The following PRMT8 variants were observed in gnomAD, a reference collection of about 807,000 sequenced individuals.
PRMT8 encodes the protein protein arginine N-methyltransferase 8.
In PRMT8, 7 loss-of-function variants were observed where a neutral mutation model predicts 47.1. The observed-to-expected ratio is 0.15, with a 90% CI of 0.08 to 0.28. The LOEUF (loss-of-function observed/expected upper bound fraction) is 0.28, where lower values mean the gene tolerates loss of function less well. Ranked by LOEUF, PRMT8 falls within the 10% of genes least tolerant of loss-of-function variation. The pLI is 1.00. For synonymous variants in PRMT8, 188 were observed against 186.5 expected (o/e 1.01, Z -0.07); for missense variants, 237 against 505.4 (o/e 0.47, Z 5.09).
Position 3,583,190 on chromosome 12 carries a change from A to C in PRMT8, c.961A>C (p.Lys321Gln). ...FNIEFTKCHKKMGFSTAPDAP... is the reference protein window; with the variant it reads ...FNIEFTKCHKQMGFSTAPDAP... ...TATTGAATTTACCAAGTGCCACAAGAAAATGGGGTTTTCCACAGGTGAGCT... is the reference window on the plus strand; with the variant it reads ...TATTGAATTTACCAAGTGCCACAAGCAAATGGGGTTTTCCACAGGTGAGCT... Residue 321 changes from lysine to glutamine, a missense_variant, in exon 8 of 10, where the codon AAA becomes CAA. This residue lies in a region of PRMT8 where 151 missense variants were observed against 341.1 expected (regional missense o/e 0.44). Coordinates refer to ENST00000382622, the MANE Select transcript of PRMT8 (RefSeq NM_019854.5). The surrounding 1 kb of genome is among the most constrained non-coding windows in gnomAD (Gnocchi z 4.7). 6.2e-7 allele frequency: 1 copy of C among 1,612,930 alleles called. No homozygotes were observed. The highest frequency in any genetic ancestry group is 8.5e-7 in the Non-Finnish European group (1 of 1,179,468).
Position 3,456,171 on chromosome 12 carries a change from A to T in PRMT8, c.48+74729A>T, listed in dbSNP as rs1330290895. On this transcript the variant is annotated intron_variant, in intron 1 of 9. Coordinates refer to the PRMT8 transcript ENST00000452611. This position sits in a 1 kb window ranked among gnomAD's most constrained non-coding sequence, Gnocchi z 4.2. ...CTTCCTCACTTAAACCACATTTCCG[A>T]TGACCACATCCAAGTACGCCAGCGC... 1.3e-5 allele frequency among the ~76,000 whole-genome samples: 2 copies of T among 152,196 alleles called. No individual in the cohort carries two copies. Among genetic ancestry groups the T allele is most frequent in the Non-Finnish European group, 2.9e-5 (2 of 68,026 alleles).
Position 3,568,798 on chromosome 12 carries a change from T to C in PRMT8, c.574T>C (p.Phe192Leu). The C allele has an allele frequency of 6.2e-7, 1 of 1,614,154 alleles. No individual in the cohort carries two copies. The highest frequency in any genetic ancestry group is 8.5e-7 in the Non-Finnish European group (1 of 1,180,024). ...IISEWMGYCL[F>L]YESMLNTVIF... ...CAGCGAGTGGATGGGCTACTGTCTG[T>C]TCTATGAGTCCATGCTCAACACGGT... Residue 192 changes from phenylalanine to leucine, a missense_variant, in exon 5 of 10, where the codon TTC becomes CTC. Physicochemically the swap from Phe to Leu is conservative, Grantham distance 22. Around this residue, in one of 5 missense-constraint regions of PRMT8, gnomAD observed 151 missense variants for 341.1 expected, o/e 0.44. Coordinates refer to ENST00000382622, the MANE Select transcript of PRMT8 (RefSeq NM_019854.5).
chr12:3,510,758 C>T lies in PRMT8; in HGVS notation c.75+19058C>T, dbSNP rs180751980. ...CCACTTTCTTCTTACAGCTTTGCCT[C>T]AGCGGCAGAAATCAGAGTTTTCAGA... On this transcript the variant is annotated intron_variant, in intron 1 of 9. Coordinates refer to ENST00000382622, the MANE Select transcript of PRMT8 (RefSeq NM_019854.5). 2.4e-3 allele frequency among the ~76,000 whole-genome samples: 367 copies of T among 152,244 alleles called. 2 individuals carry two copies. The highest frequency in any genetic ancestry group is 8.3e-3 in the African/African-American group (345 of 41,522).
intron 1 of PRMT8, among the ~76,000 whole-genome samples, chr12:3,496,437 C>T (rs1477446846): frequency 6.6e-6 from 1 of 150,580 alleles, no homozygotes; most frequent in East Asian, 2.0e-4. Flanking sequence ...AGAATGTGGT[C>T]CCATTATTAC....
chr12:3,490,546 T>TG (rs368631937), upstream of PRMT8, among the ~76,000 whole-genome samples: 8,133 of 52,544 alleles, frequency 0.15, 455 homozygotes, highest in East Asian at 0.44. Context: ...AAGACTGGAG[T>TG]GGGGGGGGGG....
intron 8 of PRMT8, 109 bp from the exon 9 acceptor site, chr12:3,592,122 G>A: frequency 7.6e-7 from 1 of 1,308,288 alleles, no homozygotes; most frequent in Admixed American, 2.9e-5. Flanking sequence ...TGGTTTCAGT[G>A]AGTCCCAGGG....
chr12:3,525,732 T>G (rs1452126542), intron 1 of PRMT8, among the ~76,000 whole-genome samples: 1 of 152,200 alleles, frequency 6.6e-6, no homozygotes, highest in African/African-American at 2.4e-5. Context: ...AGGGAAAGGC[T>G]GTGTCTAGAT....
At chr12:3,512,449 T>C (rs889420063) in intron 1 of PRMT8, among the ~76,000 whole-genome samples, 1 of 152,112 alleles carries the variant, frequency 6.6e-6, no homozygotes, top group Non-Finnish European at 1.5e-5. Context: ...TTCCTCACCT[T>C]TCCTTCCAAT....
chr12:3,533,753 A>G (rs1241739807), intron 1 of PRMT8, among the ~76,000 whole-genome samples: 2 of 152,262 alleles, frequency 1.3e-5, no homozygotes, highest in African/African-American at 4.8e-5. Flanking sequence ...CAGGCAATAA[A>G]GCTGTACTTT....
intron 1 of PRMT8, among the ~76,000 whole-genome samples, chr12:3,499,161 TTTTA>T (rs932499697): frequency 6.7e-6 from 1 of 148,934 alleles, no homozygotes; most frequent in East Asian, 1.9e-4. Flanking sequence ...CTATTTTTAT[TTTTA>T]TTTATTTATT....
Position 3,569,505 on chromosome 12 carries a change from G to A in PRMT8, c.653G>A (p.Arg218Gln), listed in dbSNP as rs1203219176. Residue 218 changes from arginine (R) to glutamine (Q), a missense_variant, in exon 6 of 10, where the codon CGG (arginine) becomes CAG (glutamine). Around this residue, in one of 5 missense-constraint regions of PRMT8, gnomAD observed 151 missense variants for 341.1 expected, o/e 0.44. Transcript: ENST00000382622. This position sits in a 1 kb window ranked among gnomAD's most constrained non-coding sequence, Gnocchi z 8.2. ...LKPGGLMFPD[R>Q]AALYVVAIED... ...CCTGGAGGGCTTATGTTTCCAGACC[G>A]GGCAGCTTTGTACGTGGTAGCGATT... 16 of 1,613,996 alleles carry A rather than the reference G, an allele frequency of 9.9e-6. No individual in the cohort carries two copies. Among genetic ancestry groups the A allele is most frequent in the East Asian group, 2.2e-5 (1 of 44,894 alleles).
Position 3,472,697 on chromosome 12 carries a change from T to C in PRMT8, c.49-67909T>C, listed in dbSNP as rs74057446. Among the ~76,000 whole-genome samples the C allele has an allele frequency of 1.0e-3, 153 of 152,286 alleles. 1 individual carries two copies. The highest frequency in any genetic ancestry group is 3.6e-3 in the African/African-American group (151 of 41,560). On this transcript the variant is annotated intron_variant, in intron 1 of 9. Transcript: ENST00000452611. ...TCAAAGGGATAGGAGGGTCAGAGCA[T>C]CTCGGTCTCCATATGCAGGGTGCAT...
chr12:3,466,039 T>C (rs566920001), intron 1 of PRMT8, among the ~76,000 whole-genome samples: 5 of 152,128 alleles, frequency 3.3e-5, no homozygotes, highest in South Asian at 2.1e-4. Flanking sequence ...CGCAGAAAAC[T>C]GTAACATGCT....
intron 1 of PRMT8, chr12:3,463,569 G>A (rs1318411909): frequency 6.6e-6 from 1 of 152,190 alleles, no homozygotes; most frequent in East Asian, 1.9e-4. Context: ...GCTCTAGAAA[G>A]ATTTACACCC....
Position 3,559,672 on chromosome 12 carries a change from C to T in PRMT8, c.481+5958C>T, listed in dbSNP as rs143408048. On this transcript the variant is annotated intron_variant, in intron 4 of 9. Transcript: ENST00000382622. ...ACTCACTTATAATATGTTTACATAC[C>T]CCTGAATGTAACCAATCTCCCATTG... 1.2e-3 allele frequency among the ~76,000 whole-genome samples: 177 copies of T among 152,136 alleles called. 2 individuals are homozygous for T. The highest frequency in any genetic ancestry group is 4.1e-3 in the African/African-American group (170 of 41,476).
chr12:3,413,553 G>C (rs1014931133), intron 1 of PRMT8, among the ~76,000 whole-genome samples: 7 of 152,104 alleles, frequency 4.6e-5, no homozygotes, highest in Non-Finnish European at 1.0e-4. Flanking sequence ...GGCAATAACA[G>C]GCAACGAGCT....
At chr12:3,537,920 A>G (rs962577999) in intron 1 of PRMT8, among the ~76,000 whole-genome samples, 19 of 152,082 alleles carry the variant, frequency 1.2e-4, no homozygotes, top group Non-Finnish European at 2.4e-4. Flanking sequence ...TACCACATCT[A>G]TCTTCCTAAA....
intron 4 of PRMT8, among the ~76,000 whole-genome samples, chr12:3,555,801 TGTGGGGATGAGAAAAAAGAGAGAA>T (rs1565440468): frequency 3.3e-4 from 39 of 117,548 alleles, no homozygotes; most frequent in Middle Eastern, 4.1e-3. Flanking sequence ...GTGCATTGAG[TGTGGGGATGAGAAAAAAGAGAGAA>T]GCAAGGATTC....
At chr12:3,558,225 TCTCCCCTTC>T (rs374753779) in intron 4 of PRMT8, among the ~76,000 whole-genome samples, 39 of 151,456 alleles carry the variant, frequency 2.6e-4, no homozygotes, top group Non-Finnish European at 3.5e-4. Flanking sequence ...ACCATAGGGC[TCTCCCCTTC>T]CTCCCCTTCC....
Sources: gnomAD v4.1 joint callset for allele counts (sites outside exome capture counted in the v4.1 genomes callset) on GRCh38, gnomAD v4.1.1 for gene constraint, gnomAD v4.1.1 regional missense constraint, Gnocchi (gnomAD v3.1) non-coding constraint, MANE v1.5 for transcripts, NCBI Gene and HGNC (gene_info 2026-07-23, HGNC 2026-07-21) for gene names.